N4BP2: variants seen among roughly 807,000 people sequenced by gnomAD.
N4BP2 encodes NEDD4 binding protein 2.
Under a neutral mutation model 152.8 loss-of-function variants are expected in N4BP2, and 91 were observed. The ratio of observed to expected loss-of-function variants is 0.60; its 90% CI spans 0.50 to 0.71. The LOEUF (loss-of-function observed/expected upper bound fraction) is 0.71. Ranked by LOEUF, N4BP2 falls within the 30% of genes least tolerant of loss-of-function variation. The pLI is 0.00. For synonymous variants in N4BP2, 646 were observed against 705.3 expected (o/e 0.92, Z 1.33); for missense variants, 1,923 against 2,059.1 (o/e 0.93, Z 1.28).
chr4:40,089,435 CTTTTTTTTTT>C (rs1281842286), intron 2 of N4BP2, among the ~76,000 whole-genome samples: 1 of 111,142 alleles, frequency 9.0e-6, no homozygotes, highest in African/African-American at 3.4e-5. Flanking sequence ...TCAGTTTTGC[CTTTTTTTTTT>C]TTTTTTTTTG....
intron 2 of N4BP2, among the ~76,000 whole-genome samples, chr4:40,076,613 C>A (rs886633988): frequency 7.9e-5 from 12 of 152,044 alleles, no homozygotes; most frequent in Non-Finnish European, 1.8e-4. Context: ...CTCAGCCTCC[C>A]GAGTAGCTGG....
intron 12 of N4BP2, among the ~76,000 whole-genome samples, 181 bp from the exon 13 acceptor site, chr4:40,131,620 G>A (rs1718909719): frequency 6.6e-6 from 1 of 152,120 alleles, no homozygotes; most frequent in Non-Finnish European, 1.5e-5. Flanking sequence ...TGCAAAAAAT[G>A]AGATATAAAT....
At chr4:40,123,906 A>C (rs1718156621) in intron 10 of N4BP2, among the ~76,000 whole-genome samples, 1 of 146,686 alleles carries the variant, frequency 6.8e-6, no homozygotes, top group African/African-American at 2.4e-5. Context: ...TTTTTTTCAG[A>C]CCATTCTTCA....
intron 16 of N4BP2, among the ~76,000 whole-genome samples, chr4:40,149,492 TTAG>T (rs954391871): frequency 2.0e-5 from 3 of 152,010 alleles, no homozygotes; most frequent in Non-Finnish European, 2.9e-5. Context: ...TGTTCTGGAA[TTAG>T]TGGTGGTGGT....
At chr4:40,190,460 T>G in the N4BP2 span, among the ~76,000 whole-genome samples, 8 of 152,318 alleles carry the variant, frequency 5.3e-5, no homozygotes, top group East Asian at 1.2e-3. Flanking sequence ...AATAAACACA[T>G]GACATTAGAA....
the N4BP2 span, among the ~76,000 whole-genome samples, chr4:40,189,921 TACAC>T: frequency 4.7e-5 from 7 of 149,240 alleles, no homozygotes; most frequent in African/African-American, 1.2e-4. This position sits in a 1 kb window ranked among gnomAD's most constrained non-coding sequence, Gnocchi z 4.3. Flanking sequence ...CACAGACACA[TACAC>T]ACACACACAC....
At chr4:40,150,636 A>G (rs1721061934) in intron 16 of N4BP2, among the ~76,000 whole-genome samples, 1 of 150,998 alleles carries the variant, frequency 6.6e-6, no homozygotes, top group East Asian at 2.0e-4. Flanking sequence ...ATCCCACTGC[A>G]CTTCAACCTG....
the N4BP2 span, among the ~76,000 whole-genome samples, chr4:40,169,102 G>T: frequency 6.6e-6 from 1 of 152,022 alleles, no homozygotes; most frequent in Non-Finnish European, 1.5e-5. Context: ...ATAAAAAAGG[G>T]CCGGGCGTGG....
chr4:40,173,461 G>A, the N4BP2 span, among the ~76,000 whole-genome samples: 49 of 152,286 alleles, frequency 3.2e-4, no homozygotes, highest in African/African-American at 1.2e-3. Context: ...TGCTATACTA[G>A]GAGGCAGCAT....
rs368996033 is a variant in N4BP2 at position 40,061,659 on chromosome 4, C to T, written c.-212+4629C>T. 4.0e-4 allele frequency among the ~76,000 whole-genome samples: 60 copies of T among 150,390 alleles called. No individual in the cohort carries two copies. In the South Asian group the frequency reaches 0.013, roughly 32 times the overall value. ...GGATTGCAGGCTTGAGCCACTGTGT[C>T]TGGCGTATTTTATTTTTTTTTTTGG... On this transcript the variant is annotated intron_variant, in intron 1 of 17. Transcript: ENST00000261435.
At position 40,119,910 on chromosome 4, in the gene N4BP2, ACT is replaced by A; in HGVS notation, c.1821-19_1821-18del. 1 of 1,156,296 alleles carries A rather than the reference ACT, an allele frequency of 8.6e-7. No individual in the cohort carries two copies. The highest frequency in any genetic ancestry group is 1.2e-6 in the Non-Finnish European group (1 of 817,360). 71.6% of individuals were successfully genotyped at this position (1,156,296 alleles called of 1,614,324 possible). A position where few individuals can be genotyped will look rare whatever the true frequency, so the allele number is the denominator to read the frequency against. ...CAGCATTAAGAGACTTTCTCATGAT[ACT>A]CTTTAAAATAATCTTACAGCCCAAG... On this transcript the variant is annotated intron_variant, in intron 8 of 17. Transcript: ENST00000261435.
intron 12 of N4BP2, among the ~76,000 whole-genome samples, chr4:40,129,732 A>G (rs1237019829): frequency 6.6e-6 from 1 of 151,944 alleles, no homozygotes; most frequent in Non-Finnish European, 1.5e-5. Context: ...TGGCCTCTCA[A>G]AGTGCTGGGA....
chr4:40,109,574 C>A (rs574302424), intron 5 of N4BP2, among the ~76,000 whole-genome samples: 51 of 152,094 alleles, frequency 3.4e-4, no homozygotes, highest in African/African-American at 1.2e-3. Context: ...AAAAATTAAC[C>A]GGGCATGGTG....
intron 3 of N4BP2, among the ~76,000 whole-genome samples, chr4:40,099,233 G>A (rs73229748): frequency 0.2 from 29,719 of 152,034 alleles, 3,371 homozygotes; most frequent in Admixed American, 0.26. Context: ...ACATTGTGTG[G>A]TAGTGTTTTA....
intron 16 of N4BP2, among the ~76,000 whole-genome samples, chr4:40,150,267 A>G (rs1022458177): frequency 3.9e-5 from 6 of 152,254 alleles, no homozygotes; most frequent in African/African-American, 9.6e-5. Flanking sequence ...AACTAGGAGC[A>G]GATCAAACCT....
the N4BP2 span, among the ~76,000 whole-genome samples, chr4:40,176,014 C>G: frequency 6.7e-6 from 1 of 148,792 alleles, no homozygotes; most frequent in Admixed American, 6.8e-5. Flanking sequence ...GGCGTGAACC[C>G]GGGAGGCAGA....
chr4:40,109,351 A>T (rs149196937), intron 5 of N4BP2, among the ~76,000 whole-genome samples: 258 of 152,268 alleles, frequency 1.7e-3, no homozygotes, highest in African/African-American at 5.8e-3. Flanking sequence ...TCCAAGGCCC[A>T]GTGTCCCCTT....
At chr4:40,181,485 C>A in the N4BP2 span, among the ~76,000 whole-genome samples, 4 of 152,146 alleles carry the variant, frequency 2.6e-5, no homozygotes, top group Non-Finnish European at 4.4e-5. Context: ...TTGGTTTTTC[C>A]CTACTGTGCA....
intron 12 of N4BP2, 63 bp downstream of exon 12, chr4:40,126,393 T>C: frequency 1.3e-6 from 1 of 789,074 alleles, no homozygotes. Flanking sequence ...TATGTTTACT[T>C]TGTGATTTTT....
Sources: gnomAD v4.1 joint callset for allele counts (sites outside exome capture counted in the v4.1 genomes callset) on GRCh38, gnomAD v4.1.1 for gene constraint, Gnocchi (gnomAD v3.1) non-coding constraint, MANE v1.5 for transcripts, NCBI Gene and HGNC (gene_info 2026-07-23, HGNC 2026-07-21) for gene names.